Variants in SDK1 observed in about 807,000 individuals in gnomAD.
SDK1 encodes protein sidekick-1.
In SDK1, 157 loss-of-function variants were observed where a neutral mutation model predicts 245.5. The ratio of observed to expected loss-of-function variants is 0.64; its 90% CI spans 0.56 to 0.73. The LOEUF (loss-of-function observed/expected upper bound fraction) is 0.73. Among genes scored for constraint, SDK1 ranks in the 30% least tolerant of loss-of-function variants. The pLI is 0.00. For missense variants in SDK1, 3,583 were observed against 3,002.3 expected, an observed-to-expected ratio of 1.19 and a Z score of -4.52; for synonymous variants, 1,647 against 1,278.5, an observed-to-expected ratio of 1.29 and a Z score of -6.15.
chr7:3,309,689 A>T (rs1450306793), intron 1 of SDK1, among the ~76,000 whole-genome samples: 1 of 152,166 alleles, frequency 6.6e-6, no homozygotes, highest in Non-Finnish European at 1.5e-5. Flanking sequence ...GATTTGCAGA[A>T]CATAAAAGAA....
Position 4,077,018 on chromosome 7 carries a change from G to C in SDK1, c.3031G>C (p.Val1011Leu). 6.2e-7 allele frequency: 1 copy of C among 1,614,116 alleles called. No individual in the cohort carries two copies. Among genetic ancestry groups the C allele is most frequent in the Non-Finnish European group, 8.5e-7 (1 of 1,180,018 alleles). ...TCTAGGCTATCAGATCTCTTGGGAA[G>C]TGTACGGCAGGAACGACTCTCGTCT... Reference protein sequence around the residue: ...IITGYQISWEVYGRNDSRLTH... With the variant: ...IITGYQISWELYGRNDSRLTH... The change falls in exon 21 of 45, where the codon GTG (valine) becomes CTG (leucine). Residue 1011 changes from valine to leucine, a missense_variant. Coordinates refer to ENST00000404826, the MANE Select transcript of SDK1 (RefSeq NM_152744.4).
chr7:3,533,933 C>T (rs771712999), intron 1 of SDK1, among the ~76,000 whole-genome samples: 5 of 152,156 alleles, frequency 3.3e-5, no homozygotes, highest in Admixed American at 6.5e-5. Context: ...GAGATCTACC[C>T]TCTTAGCAGA....
chr7:3,782,927 A>T (rs1460371213), intron 4 of SDK1, among the ~76,000 whole-genome samples: 1 of 152,198 alleles, frequency 6.6e-6, no homozygotes, highest in East Asian at 1.9e-4. Flanking sequence ...TAAGAAAGAG[A>T]GTTAAAGGTC....
chr7:3,610,082 A>G (rs1343219692), intron 1 of SDK1, among the ~76,000 whole-genome samples: 2 of 152,216 alleles, frequency 1.3e-5, no homozygotes, highest in Non-Finnish European at 2.9e-5. Context: ...AGAAACCTCC[A>G]TGGTTTGTAA....
At chr7:3,439,377 G>C (rs755279583) in intron 1 of SDK1, among the ~76,000 whole-genome samples, 1 of 152,208 alleles carries the variant, frequency 6.6e-6, no homozygotes, top group Non-Finnish European at 1.5e-5. Context: ...GGATGCAGCT[G>C]TTCCTCTAGA....
chr7:3,303,644 A>G (rs1779340693), intron 1 of SDK1, among the ~76,000 whole-genome samples: 1 of 152,228 alleles, frequency 6.6e-6, no homozygotes, highest in Non-Finnish European at 1.5e-5. Context: ...ATGGCTTATG[A>G]AAGTGTACAG....
chr7:4,107,823 T>A (rs761880247), intron 22 of SDK1, among the ~76,000 whole-genome samples: 13 of 152,340 alleles, frequency 8.5e-5, no homozygotes, highest in Middle Eastern at 6.8e-3. Context: ...CTTCCCTCTG[T>A]GCTGTGGTGC....
At chr7:3,372,280 C>A (rs957438030) in intron 1 of SDK1, among the ~76,000 whole-genome samples, 12 of 152,100 alleles carry the variant, frequency 7.9e-5, no homozygotes, top group African/African-American at 2.7e-4. Flanking sequence ...TGGTAGTTAG[C>A]AGAAAAGGCT....
chr7:3,799,127 T>G (rs774782389), intron 4 of SDK1, among the ~76,000 whole-genome samples: 2 of 152,226 alleles, frequency 1.3e-5, no homozygotes, highest in African/African-American at 2.4e-5. Flanking sequence ...CTCATGTTTC[T>G]TCTCCTCTTT....
intron 32 of SDK1, among the ~76,000 whole-genome samples, chr7:4,173,479 C>A (rs1781980394): frequency 1.3e-5 from 2 of 152,168 alleles, no homozygotes; most frequent in Admixed American, 1.3e-4. Context: ...GTCTCATAAC[C>A]CTGTGTTTAG....
chr7:3,463,348 TCATG>T (rs1476864039), intron 1 of SDK1, among the ~76,000 whole-genome samples: 2 of 151,092 alleles, frequency 1.3e-5, no homozygotes, highest in East Asian at 1.9e-4. Flanking sequence ...ACTCACATAT[TCATG>T]AATGAATGAA....
intron 4 of SDK1, among the ~76,000 whole-genome samples, chr7:3,788,725 A>G (rs1780987882): frequency 6.6e-6 from 1 of 152,324 alleles, no homozygotes; most frequent in East Asian, 1.9e-4. Context: ...GCTGTGTTCA[A>G]AGCAGTCCGC....
At chr7:3,891,226 C>T (rs539457568) in intron 5 of SDK1, among the ~76,000 whole-genome samples, 6 of 152,272 alleles carry the variant, frequency 3.9e-5, no homozygotes, top group Middle Eastern at 3.4e-3. Flanking sequence ...TTCAAGGACC[C>T]GTAGGCTGGG....
intron 13 of SDK1, among the ~76,000 whole-genome samples, chr7:3,985,896 T>C (rs140958050): frequency 6.6e-6 from 1 of 152,266 alleles, no homozygotes; most frequent in Admixed American, 6.5e-5. Context: ...TCAAGTATAA[T>C]TATGGCTTTG....
chr7:4,098,452 T>C (rs1434544436), intron 22 of SDK1, among the ~76,000 whole-genome samples: 1 of 152,244 alleles, frequency 6.6e-6, no homozygotes, highest in East Asian at 1.9e-4. Context: ...GTGTTTCATT[T>C]TTCCAGCCAT....
chr7:3,931,098 C>A (rs781480790), intron 5 of SDK1, among the ~76,000 whole-genome samples: 1 of 152,102 alleles, frequency 6.6e-6, no homozygotes, highest in Non-Finnish European at 1.5e-5. Flanking sequence ...ATCCGAGAGA[C>A]GTTATAAGGA....
At chr7:3,777,212 C>T (rs1780593278) in intron 4 of SDK1, among the ~76,000 whole-genome samples, 1 of 152,198 alleles carries the variant, frequency 6.6e-6, no homozygotes, top group Non-Finnish European at 1.5e-5. Flanking sequence ...GCTCTAACTG[C>T]AGACCTGTGC....
rs148280211 is a variant in SDK1 at position 3,450,247 on chromosome 7, T to C, written c.298+148363T>C. On this transcript the variant is annotated intron_variant, in intron 1 of 44. Transcript: ENST00000404826. ...GTTTGGTAATAGTGAGGAAGACCTC[T>C]TACCCCAAACTAAGGTGACTGGTTT... Among the ~76,000 whole-genome samples the C allele has an allele frequency of 1.4e-3, 219 of 152,312 alleles. 1 individual carries two copies. The highest frequency in any genetic ancestry group is 5.1e-3 in the African/African-American group (211 of 41,576).
At chr7:3,614,244 G>T (rs963892638) in intron 1 of SDK1, among the ~76,000 whole-genome samples, 7 of 152,058 alleles carry the variant, frequency 4.6e-5, no homozygotes, top group Non-Finnish European at 1.0e-4. Flanking sequence ...AATGATTTAT[G>T]TTCTATTTTA....
Sources: allele counts gnomAD v4.1 joint callset (sites outside exome capture counted in the v4.1 genomes callset), GRCh38; gene constraint gnomAD v4.1.1; transcripts MANE v1.5; gene names NCBI Gene and HGNC (gene_info 2026-07-23, HGNC 2026-07-21).